ORC2: variants seen among roughly 807,000 people sequenced by gnomAD.
ORC2 encodes origin recognition complex protein 2 homolog.
Under a neutral mutation model 77.7 loss-of-function variants are expected in ORC2, and 37 were observed. That is an observed-to-expected ratio of 0.48 (90% CI 0.37 to 0.63). The LOEUF is 0.63. Ranked by LOEUF, ORC2 falls within the 20% of genes least tolerant of loss-of-function variation. The pLI, the probability that ORC2 is intolerant of heterozygous loss-of-function variation, is 0.00. For synonymous variants in ORC2, 201 were observed against 229.5 expected (o/e 0.88, Z 1.12); for missense variants, 557 against 661.9 (o/e 0.84, Z 1.74).
At chr2:200,948,053 C>T (rs2041282776) in intron 5 of ORC2, among the ~76,000 whole-genome samples, 1 of 151,978 alleles carries the variant, frequency 6.6e-6, no homozygotes, top group Admixed American at 6.6e-5. Flanking sequence ...GGACTACAGT[C>T]GCCCGCCACC....
At position 200,935,724 on chromosome 2, in the gene ORC2, GAA is replaced by G; in HGVS notation, c.681_682del (p.Ser228Ter). 1 of 1,611,940 alleles carries G rather than the reference GAA, an allele frequency of 6.2e-7. No individual in the cohort carries two copies. Among genetic ancestry groups the G allele is most frequent in the Non-Finnish European group, 8.5e-7 (1 of 1,179,188 alleles). ...TGTTTTATCTCTTTTCATTCTCTTAGAAGGTGTTTCTTTGCCAACAGGAGCTG... is the reference window on the plus strand; with the variant it reads ...TGTTTTATCTCTTTTCATTCTCTTAGGGTGTTTCTTTGCCAACAGGAGCTG... On this transcript the variant is annotated frameshift_variant, in exon 9 of 18. Coordinates refer to ENST00000234296, the MANE Select transcript of ORC2 (RefSeq NM_006190.5). LOFTEE classifies it high-confidence loss of function.
At chr2:200,947,268 G>C (rs1254978011) in intron 5 of ORC2, among the ~76,000 whole-genome samples, 1 of 151,978 alleles carries the variant, frequency 6.6e-6, no homozygotes, top group Non-Finnish European at 1.5e-5. Context: ...GTAAATTATT[G>C]TATGTACCAT....
In ORC2 at chr2:200,909,562, G is replaced by A. The variant is rs2040516606; in HGVS notation, c.*1739C>T. 1 of 151,872 alleles carries A rather than the reference G, an allele frequency of 6.6e-6. No homozygotes were observed. Among genetic ancestry groups the A allele is most frequent in the African/African-American group, 2.4e-5 (1 of 41,326 alleles). The allele number at this position is 151,872 out of a possible 1,614,324, so 9.4% of individuals were successfully genotyped here. A position where few individuals can be genotyped will look rare whatever the true frequency, so the allele number is the denominator to read the frequency against. The stretch of plus-strand genomic sequence containing the variant: ...CTGCTAAAAATTCAAAAACTAGCCA[G>A]GCGTGGTGGCGTGTGCCTGTAGTCC... On this transcript the variant is annotated 3_prime_UTR_variant, in exon 18 of 18. Transcript: ENST00000234296.
At chr2:200,940,953 C>T (rs537896389) in intron 7 of ORC2, among the ~76,000 whole-genome samples, 3 of 152,214 alleles carry the variant, frequency 2.0e-5, no homozygotes, top group East Asian at 3.9e-4. Flanking sequence ...AGCAAAACCC[C>T]AAACATTTTC....
At chr2:200,916,521 T>G (rs2040654713) in intron 15 of ORC2, among the ~76,000 whole-genome samples, 2 of 151,952 alleles carry the variant, frequency 1.3e-5, no homozygotes, top group Admixed American at 1.3e-4. Context: ...CAGTGCCATA[T>G]TTAACGTTTT....
chr2:200,928,865 A>T (rs1258638837), intron 11 of ORC2, among the ~76,000 whole-genome samples: 3 of 152,138 alleles, frequency 2.0e-5, no homozygotes, highest in African/African-American at 7.2e-5. Flanking sequence ...AGGCTGAAGC[A>T]GAGTTGAAAC....
chr2:200,944,104 T>C (rs2041205492), intron 5 of ORC2, among the ~76,000 whole-genome samples: 1 of 152,146 alleles, frequency 6.6e-6, no homozygotes, highest in Non-Finnish European at 1.5e-5. Context: ...TGATTTTAAA[T>C]AACTATTAAA....
chr2:200,923,544 C>G (rs982367932), intron 13 of ORC2, among the ~76,000 whole-genome samples: 1 of 152,126 alleles, frequency 6.6e-6, no homozygotes, highest in African/African-American at 2.4e-5. Context: ...GCCACCGCAT[C>G]CGGCTTAAGG....
rs2040596184 is a variant in ORC2 at position 200,914,009 on chromosome 2, AC to A, written c.1467-18del. 1.1e-5 allele frequency: 16 copies of A among 1,442,090 alleles called. No homozygotes were observed. The highest frequency in any genetic ancestry group is 1.5e-5 in the Non-Finnish European group (16 of 1,046,694). The allele number at this position is 1,442,090 out of a possible 1,614,324, so 89.3% of individuals were successfully genotyped here. On this transcript the variant is annotated intron_variant, in intron 15 of 17. Coordinates refer to ENST00000234296, the MANE Select transcript of ORC2 (RefSeq NM_006190.5). Reference sequence around the variant, plus strand: ...AAAATTCCCCTAAAAAAAAAAAAAAACAGGAATTTAAATCCAAAAATGTTAA... The same window carrying A: ...AAAATTCCCCTAAAAAAAAAAAAAAAAGGAATTTAAATCCAAAAATGTTAA...
At chr2:200,954,741 T>C (rs1266433739) in intron 4 of ORC2, among the ~76,000 whole-genome samples, 2 of 151,986 alleles carry the variant, frequency 1.3e-5, no homozygotes, top group African/African-American at 4.8e-5. Flanking sequence ...ATACAGCATA[T>C]ATGTAGTACT....
In ORC2 at chr2:200,913,341, G is replaced by A; in HGVS notation, c.1601C>T (p.Ala534Val). The change falls in exon 17 of 18, where the codon GCC (alanine) becomes GTC (valine). Residue 534 changes from alanine to valine, a missense_variant. Coordinates refer to ENST00000234296, the MANE Select transcript of ORC2 (RefSeq NM_006190.5). Reference sequence around the variant, plus strand: ...GTGGTCCCTAAATTCAGTTAACTGGGCCCGGAGTGTCAGATCACTATTGAC... The same window carrying A: ...GTGGTCCCTAAATTCAGTTAACTGGACCCGGAGTGTCAGATCACTATTGAC... The part of the protein sequence containing the change: ...FLVNSDLTLR[A>V]QLTEFRDHKL... 1.9e-6 allele frequency: 3 copies of A among 1,601,342 alleles called. No homozygotes were observed. The highest frequency in any genetic ancestry group is 1.7e-4 in the Middle Eastern group (1 of 5,908).
rs1042880303 is a variant in ORC2 at position 200,911,224 on chromosome 2, AAC to A, written c.*75_*76del. 1.1e-5 allele frequency: 9 copies of A among 852,892 alleles called. No individual in the cohort carries two copies. The African/African-American group carries it at 1.4e-4, about 13-fold the overall frequency. The allele number at this position is 852,892 out of a possible 1,614,324, so 52.8% of individuals were successfully genotyped here. On this transcript the variant is annotated 3_prime_UTR_variant, in exon 18 of 18. Coordinates refer to ENST00000234296, the MANE Select transcript of ORC2 (RefSeq NM_006190.5). Reference sequence around the variant, plus strand: ...GAAAAATAATTTAATGTCAGATGTAAACACAACACTTTCAACTAGAGGAGTGG... The same window carrying A: ...GAAAAATAATTTAATGTCAGATGTAAACAACACTTTCAACTAGAGGAGTGG...
At chr2:200,924,071 C>T (rs2040802813) in intron 13 of ORC2, among the ~76,000 whole-genome samples, 1 of 152,006 alleles carries the variant, frequency 6.6e-6, no homozygotes, top group Admixed American at 6.6e-5. Flanking sequence ...TGTATATTGT[C>T]TGGCTGGGCT....
chr2:200,932,757 T>C (rs2040965974), intron 10 of ORC2, among the ~76,000 whole-genome samples: 1 of 152,228 alleles, frequency 6.6e-6, no homozygotes, highest in Admixed American at 6.5e-5. Context: ...AGAGATTGTG[T>C]GTTTTCCCAC....
At chr2:200,918,081 A>G (rs2040688899) in intron 15 of ORC2, among the ~76,000 whole-genome samples, 2 of 152,092 alleles carry the variant, frequency 1.3e-5, no homozygotes, top group Admixed American at 1.3e-4. Flanking sequence ...AATGCTATAT[A>G]TTTTATATGG....
Position 200,956,144 on chromosome 2 carries a change from G to A in ORC2, c.238+1257C>T, listed in dbSNP as rs562748688. On this transcript the variant is annotated intron_variant, in intron 4 of 17. Transcript: ENST00000234296. Reference sequence around the variant, plus strand: ...TATAGTGATGCAATCACAGCTCACTGTAGCCTCAACCTCCTGGGCTCAAGC... The same window carrying A: ...TATAGTGATGCAATCACAGCTCACTATAGCCTCAACCTCCTGGGCTCAAGC... Among the ~76,000 whole-genome samples the A allele has an allele frequency of 2.0e-4, 30 of 152,262 alleles. 1 individual carries two copies. The highest frequency in any genetic ancestry group is 6.5e-4 in the African/African-American group (27 of 41,550).
intron 13 of ORC2, among the ~76,000 whole-genome samples, chr2:200,925,466 G>A (rs1428048164): frequency 1.1e-4 from 16 of 152,200 alleles, no homozygotes; most frequent in Non-Finnish European, 1.5e-5. Flanking sequence ...TGGGCCAGGT[G>A]TGGTGGCTCA....
chr2:200,956,477 C>A lies in ORC2; in HGVS notation c.238+924G>T, dbSNP rs552745278. 1.4e-3 allele frequency among the ~76,000 whole-genome samples: 215 copies of A among 152,192 alleles called. 1 individual carries two copies. The highest frequency in any genetic ancestry group is 1.4e-3 in the Non-Finnish European group (96 of 67,996). ...ATTACAGGCATGAGCCATCACACAC[C>A]CAGCTTCCAGCTAATTAAAAACTTT... On this transcript the variant is annotated intron_variant, in intron 4 of 17. Coordinates refer to ENST00000234296, the MANE Select transcript of ORC2 (RefSeq NM_006190.5).
At chr2:200,946,803 C>G (rs2041257454) in intron 5 of ORC2, among the ~76,000 whole-genome samples, 1 of 152,144 alleles carries the variant, frequency 6.6e-6, no homozygotes, top group East Asian at 1.9e-4. Flanking sequence ...TCATTTTGGT[C>G]TTGCTGTCTA....
Sources: gnomAD v4.1 joint callset for allele counts (sites outside exome capture counted in the v4.1 genomes callset) on GRCh38, gnomAD v4.1.1 for gene constraint, MANE v1.5 for transcripts, NCBI Gene and HGNC (gene_info 2026-07-23, HGNC 2026-07-21) for gene names.